SCN1A: variants seen among roughly 807,000 people sequenced by gnomAD.
SCN1A encodes sodium channel protein type 1 subunit alpha.
In SCN1A, 13 loss-of-function variants were observed where a neutral mutation model predicts 193.7. The observed-to-expected ratio is 0.07, with a 90% CI of 0.04 to 0.11. The LOEUF (loss-of-function observed/expected upper bound fraction) is 0.11, where lower values mean the gene tolerates loss of function less well. Ranked by LOEUF, SCN1A falls within the 10% of genes least tolerant of loss-of-function variation. The pLI, the probability that SCN1A is intolerant of heterozygous loss-of-function variation, is 1.00. For missense variants in SCN1A, 1,432 were observed against 2,451.1 expected, an observed-to-expected ratio of 0.58 and a Z score of 8.78; for synonymous variants, 781 against 843.6, an observed-to-expected ratio of 0.93 and a Z score of 1.29.
In SCN1A at chr2:166,039,436, C is replaced by T. The variant is rs398123588; in HGVS notation, c.2576G>A (p.Arg859His). Residue 859 changes from arginine (R) to histidine (H), a missense_variant, in exon 17 of 29, where the codon CGT (arginine) becomes CAT (histidine). By Grantham distance (29) the Arg-to-His change is conservative. Coordinates refer to ENST00000674923, the MANE Select transcript of SCN1A (RefSeq NM_001165963.4). ...LANVEGLSVL[R>H]SFRLLRVFKL... ...TTTTTTTTTTACCAATCGAAATGAA[C>T]GGAGAACAGATAATCCTTCCACATT... 6.2e-7 allele frequency: 1 copy of T among 1,600,468 alleles called. No homozygotes were observed.
chr2:166,026,930 G>A lies in SCN1A; in HGVS notation c.3429+9118C>T, dbSNP rs113473663. Among the ~76,000 whole-genome samples, 441 of 151,962 alleles carry A rather than the reference G, an allele frequency of 2.9e-3. 2 individuals carry two copies. The highest frequency in any genetic ancestry group is 0.01 in the African/African-American group (420 of 41,488). On this transcript the variant is annotated intron_variant, in intron 19 of 28. Transcript: ENST00000674923. ...GATCTCCTGACCTCGTGATTCGCCC[G>A]CCTCGGCCTCCCGGAATATTTCTTA...
intron 2 of SCN1A, among the ~76,000 whole-genome samples, chr2:166,081,060 G>A (rs886741666): frequency 6.6e-6 from 1 of 151,794 alleles, no homozygotes; most frequent in African/African-American, 2.4e-5. Flanking sequence ...CGTAGAAGAG[G>A]ACACATGTAT....
chr2:166,103,039 A>G (rs896074103), intron 2 of SCN1A, among the ~76,000 whole-genome samples: 2 of 151,682 alleles, frequency 1.3e-5, no homozygotes, highest in African/African-American at 4.9e-5. Context: ...GCTGCCTATT[A>G]GATTTCAAGC....
At chr2:166,092,454 G>A (rs1559317858) in intron 2 of SCN1A, 1 of 152,148 alleles carries the variant, frequency 6.6e-6, no homozygotes, top group Non-Finnish European at 1.5e-5. Flanking sequence ...GATTCATGCA[G>A]GTATTGGTTT....
intron 19 of SCN1A, among the ~76,000 whole-genome samples, chr2:166,016,841 A>C (rs979485955): frequency 6.6e-6 from 1 of 151,882 alleles, no homozygotes; most frequent in Non-Finnish European, 1.5e-5. Flanking sequence ...CACAGCAGCA[A>C]GCCATTCAAC....
intron 19 of SCN1A, among the ~76,000 whole-genome samples, chr2:166,019,747 T>C (rs548908625): frequency 1.3e-5 from 2 of 152,212 alleles, no homozygotes; most frequent in South Asian, 4.1e-4. Context: ...TTAGTGTATG[T>C]ATGGTGAATG....
In SCN1A at chr2:165,991,728, G is replaced by A; in HGVS notation, c.5547C>T (p.Leu1849=). 1.9e-6 allele frequency: 3 copies of A among 1,613,918 alleles called. No homozygotes were observed. The highest frequency in any genetic ancestry group is 2.5e-6 in the Non-Finnish European group (3 of 1,179,924). The change falls in exon 29 of 29, where the codon CTC becomes CTT. Residue 1849 remains leucine, a synonymous_variant. Coordinates refer to ENST00000674923, the MANE Select transcript of SCN1A (RefSeq NM_001165963.4). ...LNLPQPNKLQ[L]IAMDLPMVSG... ...TCACCATGGGCAAATCCATGGCAAT[G>A]AGCTGGAGTTTGTTTGGTTGTGGCA... is the stretch of plus-strand genomic sequence containing the variant.
At chr2:166,010,714 A>T (rs1692327470) in intron 22 of SCN1A, among the ~76,000 whole-genome samples, 1 of 151,170 alleles carries the variant, frequency 6.6e-6, no homozygotes, top group Non-Finnish European at 1.5e-5. Flanking sequence ...TTTCTTTTTT[A>T]AAATGTATTA....
chr2:166,009,306 CAT>C (rs1401010318), intron 23 of SCN1A: 1 of 152,714 alleles, frequency 6.5e-6, no homozygotes, highest in African/African-American at 2.4e-5. Flanking sequence ...TACTTAGGCA[CAT>C]GTGTGATTCA....
chr2:166,077,042 T>A (rs1685054666), intron 3 of SCN1A: 1 of 151,966 alleles, frequency 6.6e-6, no homozygotes, highest in East Asian at 1.9e-4. Context: ...TCTGGAATAT[T>A]TCTGGTGATA....
At chr2:165,997,877 G>A (rs559828189) in intron 26 of SCN1A, among the ~76,000 whole-genome samples, 161 bp downstream of exon 26, 14 of 151,160 alleles carry the variant, frequency 9.3e-5, no homozygotes, top group South Asian at 4.1e-4. Flanking sequence ...TTCTATAGCC[G>A]GAAATATATG....
At position 166,051,709 on chromosome 2, in the gene SCN1A, T is replaced by TAA; in HGVS notation, c.964+8_964+9dup. 1 of 1,584,744 alleles carries TAA rather than the reference T, an allele frequency of 6.3e-7. No individual in the cohort carries two copies. The highest frequency in any genetic ancestry group is 8.7e-7 in the Non-Finnish European group (1 of 1,155,928). On this transcript the variant is annotated intron_variant, in intron 9 of 28. Coordinates refer to ENST00000674923, the MANE Select transcript of SCN1A (RefSeq NM_001165963.4). ...CTTTTTAAGGAAATGTACATAACAATAATTCTTACTTGAATCTTGAATATA... is the reference window on the plus strand; with the variant it reads ...CTTTTTAAGGAAATGTACATAACAATAAAATTCTTACTTGAATCTTGAATATA...
At chr2:166,009,348 A>C in intron 23 of SCN1A, 1 of 159,912 alleles carries the variant, frequency 6.3e-6, no homozygotes, top group East Asian at 1.7e-4. Context: ...CGTTAAGTAC[A>C]GTATATCATC....
Position 166,041,480 on chromosome 2 carries a change from A to G in SCN1A, c.2177-11T>C, listed in dbSNP as rs1442677365. On this transcript the variant is annotated splice_polypyrimidine_tract_variant and intron_variant, in intron 15 of 28. Coordinates refer to ENST00000674923, the MANE Select transcript of SCN1A (RefSeq NM_001165963.4). The stretch of plus-strand genomic sequence containing the variant: ...TGGATTCTTCAAGTTCTAGATTAAG[A>G]AAAAAAAAAAAAAGAACCACCAAAA... The G allele has an allele frequency of 2.4e-6, 2 of 844,068 alleles. No homozygotes were observed. The highest frequency in any genetic ancestry group is 3.2e-6 in the Non-Finnish European group (2 of 622,180). 52.3% of individuals were successfully genotyped at this position (844,068 alleles called of 1,614,324 possible).
chr2:166,093,096 GA>G (rs1371719985), intron 2 of SCN1A, among the ~76,000 whole-genome samples: 2 of 151,808 alleles, frequency 1.3e-5, no homozygotes, highest in African/African-American at 4.8e-5. Flanking sequence ...AAGAGTGAGT[GA>G]GTCAGAATGT....
chr2:166,021,348 G>C (rs905514333), intron 19 of SCN1A, among the ~76,000 whole-genome samples: 1 of 152,094 alleles, frequency 6.6e-6, no homozygotes, highest in African/African-American at 2.4e-5. Flanking sequence ...GTAAATAAAT[G>C]AGCATTAGTG....
At chr2:166,143,240 C>G (rs1478521767) in intron 1 of SCN1A, among the ~76,000 whole-genome samples, 2 of 145,864 alleles carry the variant, frequency 1.4e-5, no homozygotes, top group African/African-American at 5.1e-5. Flanking sequence ...GATCTCGGCT[C>G]ACTGCAAGCT....
At chr2:165,994,001 TA>T (rs1689648245) in intron 28 of SCN1A, 144 bp downstream of exon 28, 5 of 708,782 alleles carry the variant, frequency 7.1e-6, no homozygotes, top group East Asian at 5.4e-5. Flanking sequence ...GACATTTTGT[TA>T]AAAAAACAAA....
intron 2 of SCN1A, among the ~76,000 whole-genome samples, chr2:166,110,667 A>G (rs1689199060): frequency 6.6e-6 from 1 of 152,162 alleles, no homozygotes; most frequent in African/African-American, 2.4e-5. Context: ...AGCAGTAGGT[A>G]CTGGTGTAGA....
Sources: allele counts gnomAD v4.1 joint callset (sites outside exome capture counted in the v4.1 genomes callset), GRCh38; gene constraint gnomAD v4.1.1; transcripts MANE v1.5; gene names NCBI Gene and HGNC (gene_info 2026-07-23, HGNC 2026-07-21).